SERPINA9: variants seen among roughly 807,000 people sequenced by gnomAD.
SERPINA9 encodes the protein serpin A9.
Under a neutral mutation model 24.5 loss-of-function variants are expected in SERPINA9, and 32 were observed. The observed-to-expected ratio is 1.30, with a 90% CI of 0.98 to 1.75. The LOEUF (loss-of-function observed/expected upper bound fraction) is 1.75, where lower values mean the gene tolerates loss of function less well. Ranked by LOEUF, SERPINA9 falls within the 40% of genes most tolerant of loss-of-function variation. SERPINA9 has a pLI of 0.00. For missense variants in SERPINA9, 594 were observed against 497.1 expected (o/e 1.19, Z -1.85); for synonymous variants, 233 against 197.7 (o/e 1.18, Z -1.50).
At chr14:94,465,227 C>T (rs1473190875) in intron 3 of SERPINA9, among the ~76,000 whole-genome samples, 3 of 152,150 alleles carry the variant, frequency 2.0e-5, no homozygotes, top group African/African-American at 7.2e-5. Flanking sequence ...GCAAGCCCTG[C>T]TAATAATGCC....
At chr14:94,473,393 C>A (rs1048654212) in intron 1 of SERPINA9, among the ~76,000 whole-genome samples, 14 of 152,132 alleles carry the variant, frequency 9.2e-5, no homozygotes, top group African/African-American at 2.2e-4. Flanking sequence ...GTGGCGGGCA[C>A]CTCTAGTCCC....
chr14:94,467,339 G>T lies in SERPINA9; in HGVS notation c.672C>A (p.Asn224Lys). 6.2e-7 allele frequency: 1 copy of T among 1,613,814 alleles called. No homozygotes were observed. The highest frequency in any genetic ancestry group is 1.1e-5 in the South Asian group (1 of 91,046). ...CCTGCTCGCCCACCAGGAATGGGAA[G>T]TTCTTTCTTGTATATTCAGGGTGAA... The part of the protein sequence containing the change: ...KPFHPEYTRK[N>K]FPFLVGEQVT... Residue 224 changes from asparagine to lysine, a missense_variant, in exon 3 of 5, where the codon AAC becomes AAA. Asn to Lys is a moderately conservative substitution (Grantham distance 94, BLOSUM62 0). Coordinates refer to ENST00000674397, the MANE Select transcript of SERPINA9 (RefSeq NM_175739.4).
chr14:94,464,639 G>T, intron 4 of SERPINA9, 68 bp downstream of exon 4: 1 of 1,302,044 alleles, frequency 7.7e-7, no homozygotes, highest in Non-Finnish European at 1.1e-6. Context: ...AACGAAATAA[G>T]AGCATGTGAT....
Position 94,462,830 on chromosome 14 carries a change from G to A in SERPINA9, c.*263C>T, listed in dbSNP as rs551158762. 41 of 451,966 alleles carry A rather than the reference G, an allele frequency of 9.1e-5. No individual in the cohort carries two copies. The East Asian group carries it at 1.7e-3, about 18-fold the overall frequency. The allele number at this position is 451,966 out of a possible 1,614,324, so 28.0% of individuals were successfully genotyped here. On this transcript the variant is annotated 3_prime_UTR_variant, in exon 5 of 5. Coordinates refer to ENST00000674397, the MANE Select transcript of SERPINA9 (RefSeq NM_175739.4). ...TCCATTCCTGGGAGCCCCAAGGAAT[G>A]GAAATATGGTAACCCAGCAACATCC...
rs761324488 is a variant in SERPINA9 at position 94,476,105 on chromosome 14, C to T, written c.-18+31G>A. 3.1e-6 allele frequency: 5 copies of T among 1,613,996 alleles called. No homozygotes were observed. In the South Asian group the frequency reaches 3.3e-5, roughly 11 times the overall value. ...CCCTCTGGCTCAGTGACACCACATT[C>T]CCGATCTCTCTGCACCTCCTCCTTA... On this transcript the variant is annotated intron_variant, in intron 1 of 4. Transcript: ENST00000674397.
chr14:94,467,323 C>T lies in SERPINA9; in HGVS notation c.688G>A (p.Gly230Ser), dbSNP rs1223503981. Residue 230 changes from glycine to serine, a missense_variant, in exon 3 of 5, where the codon GGC becomes AGC. Physicochemically the swap from Gly to Ser is moderately conservative, Grantham distance 56 (BLOSUM62 0). Transcript: ENST00000674397. ...GGGACATGCACAGTGACCTGCTCGC[C>T]CACCAGGAATGGGAAGTTCTTTCTT... is the stretch of plus-strand genomic sequence containing the variant. The part of the protein sequence containing the change: ...YTRKNFPFLV[G>S]EQVTVHVPMM... 6.2e-7 allele frequency: 1 copy of T among 1,613,986 alleles called. No homozygotes were observed. The highest frequency in any genetic ancestry group is 1.7e-5 in the Admixed American group (1 of 60,016).
intron 2 of SERPINA9, among the ~76,000 whole-genome samples, chr14:94,467,585 T>C (rs188636457): frequency 1.3e-5 from 2 of 152,342 alleles, no homozygotes; most frequent in East Asian, 3.9e-4. Flanking sequence ...TTTTATGACA[T>C]GTGAATTGTA....
Position 94,464,843 on chromosome 14 carries a change from A to C in SERPINA9, c.914T>G (p.Val305Gly). 1.2e-6 allele frequency: 2 copies of C among 1,613,052 alleles called. No individual in the cohort carries two copies. The highest frequency in any genetic ancestry group is 1.7e-6 in the Non-Finnish European group (2 of 1,179,530). The change falls in exon 4 of 5, where the codon GTG (valine) becomes GGG (glycine). Residue 305 changes from valine to glycine, a missense_variant. Coordinates refer to ENST00000674397, the MANE Select transcript of SERPINA9 (RefSeq NM_175739.4). ...SHSLQKRWIE[V>G]FIPRFSISAS... Reference sequence around the variant, plus strand: ...AGAAATGGAAAATCTGGGGATGAACACCTCTATCCACCTGTGGAGTAGGGA... The same window carrying C: ...AGAAATGGAAAATCTGGGGATGAACCCCTCTATCCACCTGTGGAGTAGGGA...
chr14:94,469,172 C>T lies in SERPINA9; in HGVS notation c.628+41G>A, dbSNP rs193074362. ...ACTAAGCAAAAATCATCATCATCAT[C>T]ATAAAATAAATAAATAAAAATCAAC... On this transcript the variant is annotated intron_variant, in intron 2 of 4. Transcript: ENST00000674397. 69 of 1,555,378 alleles carry T rather than the reference C, an allele frequency of 4.4e-5. No individual in the cohort carries two copies. In the East Asian group the frequency reaches 1.4e-3, roughly 32 times the overall value.
rs758144555 is a variant in SERPINA9 at position 94,469,803 on chromosome 14, C to A, written c.38G>T (p.Gly13Val). The change falls in exon 2 of 5, where the codon GGC becomes GTC. Residue 13 changes from glycine (G) to valine (V), a missense_variant. Physicochemically the swap from Gly to Val is moderately radical, Grantham distance 109. Coordinates refer to ENST00000674397, the MANE Select transcript of SERPINA9 (RefSeq NM_175739.4). ...SYLYGVLFAV[G>V]LCAPIYCVSP... is the part of the protein sequence containing the mutation. ...CACACAGTAGATTGGAGCACAGAGG[C>A]CAACAGCAAAGAGTACTCCATAAAG... 1.3e-6 allele frequency: 2 copies of A among 1,523,232 alleles called. No homozygotes were observed. Among genetic ancestry groups the A allele is most frequent in the Non-Finnish European group, 1.8e-6 (2 of 1,136,472 alleles). The allele number at this position is 1,523,232 out of a possible 1,614,324, so 94.4% of individuals were successfully genotyped here.
At position 94,464,677 on chromosome 14, in the gene SERPINA9, C is replaced by G. The variant is rs375921702; in HGVS notation, c.1050+30G>C. 3.8e-6 allele frequency: 6 copies of G among 1,583,214 alleles called. No homozygotes were observed. The East Asian group carries it at 1.1e-4, about 30-fold the overall frequency. On this transcript the variant is annotated intron_variant, in intron 4 of 4. Transcript: ENST00000674397. ...ATTCTGCAGGTGCTTCCAGCTTGGA[C>G]TTTTTTGCAAATATTTTCATTCAAC...
Position 94,467,912 on chromosome 14 carries a change from C to CATGG in SERPINA9, c.629-534_629-531dup, listed in dbSNP as rs58640197. Among the ~76,000 whole-genome samples, 139 of 148,448 alleles carry CATGG rather than the reference C, an allele frequency of 9.4e-4. 1 individual carries two copies. The highest frequency in any genetic ancestry group is 1.7e-3 in the Non-Finnish European group (111 of 66,968). On this transcript the variant is annotated intron_variant, in intron 2 of 4. Coordinates refer to ENST00000674397, the MANE Select transcript of SERPINA9 (RefSeq NM_175739.4). ...GGCTAGCTAGGTGGATGAATGGATG[C>CATGG]ATGGATGGATGGATGGATGGATGGA...
Position 94,476,169 on chromosome 14 carries a change from G to C in SERPINA9, c.-51C>G, listed in dbSNP as rs547786480. The stretch of plus-strand genomic sequence containing the variant: ...GTTCCTCTTCTCCTGCCCTGTCCTT[G>C]CATGGTTGGTGAGCCCTGACACTTG... On this transcript the variant is annotated 5_prime_UTR_variant, in exon 1 of 5. Coordinates refer to ENST00000674397, the MANE Select transcript of SERPINA9 (RefSeq NM_175739.4). 6.2e-7 allele frequency: 1 copy of C among 1,614,036 alleles called. No homozygotes were observed. Among genetic ancestry groups the C allele is most frequent in the Non-Finnish European group, 8.5e-7 (1 of 1,180,020 alleles).
In SERPINA9 at chr14:94,476,195, C is replaced by T. The variant is rs373673200; in HGVS notation, c.-77G>A. On this transcript the variant is annotated 5_prime_UTR_variant, in exon 1 of 5. Coordinates refer to ENST00000674397, the MANE Select transcript of SERPINA9 (RefSeq NM_175739.4). ...CATGGTTGGTGAGCCCTGACACTTG[C>T]TTACTTGGTTGTAGCTCTCTCCTCA... The T allele has an allele frequency of 2.5e-6, 4 of 1,614,056 alleles. No individual in the cohort carries two copies. Among genetic ancestry groups the T allele is most frequent in the Non-Finnish European group, 3.4e-6 (4 of 1,180,018 alleles).
At chr14:94,463,323 G>A (rs11624364) in intron 4 of SERPINA9, 27 bp from the exon 5 acceptor site, 273,100 of 1,602,722 alleles carry the variant, frequency 0.17, 25,113 homozygotes, top group Admixed American at 0.25. Context: ...AAACATCAGT[G>A]GCCCTAGTGG....
At chr14:94,465,200 C>T (rs1005045964) in intron 3 of SERPINA9, among the ~76,000 whole-genome samples, 12 of 152,172 alleles carry the variant, frequency 7.9e-5, no homozygotes, top group Non-Finnish European at 1.6e-4. Flanking sequence ...AATACCTCCT[C>T]AGCAGCACTT....
At chr14:94,464,947 C>T in intron 3 of SERPINA9, 93 bp from the exon 4 acceptor site, 1 of 1,059,670 alleles carries the variant, frequency 9.4e-7, no homozygotes, top group Non-Finnish European at 1.4e-6. Context: ...TCCGTTCTTC[C>T]TCCAACCACT....
intron 1 of SERPINA9, among the ~76,000 whole-genome samples, chr14:94,475,739 C>G (rs575837054): frequency 6.6e-6 from 1 of 152,318 alleles, no homozygotes; most frequent in Non-Finnish European, 1.5e-5. Flanking sequence ...TCAAGCTGAT[C>G]CTTGCTGTTA....
chr14:94,464,363 G>A, intron 4 of SERPINA9: 1 of 347,890 alleles, frequency 2.9e-6, no homozygotes. Context: ...GGGTGCAGAT[G>A]ACCTATGGGC....
Sources: allele counts gnomAD v4.1 joint callset (sites outside exome capture counted in the v4.1 genomes callset), GRCh38; gene constraint gnomAD v4.1.1; transcripts MANE v1.5; gene names NCBI Gene and HGNC (gene_info 2026-07-23, HGNC 2026-07-21).